MYT1L: variants seen among roughly 807,000 people sequenced by gnomAD.
MYT1L encodes the protein myelin transcription factor 1-like protein.
A neutral mutation model predicts 126.7 loss-of-function variants in MYT1L; 12 were observed. The observed-to-expected ratio is 0.09, with a 90% CI of 0.06 to 0.15. The LOEUF is 0.15. Ranked by LOEUF, MYT1L falls within the 10% of genes least tolerant of loss-of-function variation. The pLI is 1.00. For synonymous variants in MYT1L, 541 were observed against 604.2 expected, an observed-to-expected ratio of 0.90 and a Z score of 1.53; for missense variants, 979 against 1,585.2, an observed-to-expected ratio of 0.62 and a Z score of 6.49.
intron 3 of MYT1L, among the ~76,000 whole-genome samples, chr2:2,092,798 T>G (rs1558984649): frequency 6.6e-6 from 1 of 152,202 alleles, no homozygotes; most frequent in Non-Finnish European, 1.5e-5. Context: ...ACTTGGGGGC[T>G]GTTGTAAGCA....
Position 1,912,226 on chromosome 2 carries a change from A to ACTGTCTAT in MYT1L, c.1619-117_1619-116insATAGACAG. 3.2e-6 allele frequency: 2 copies of ACTGTCTAT among 622,344 alleles called. No individual in the cohort carries two copies. The highest frequency in any genetic ancestry group is 5.3e-6 in the Non-Finnish European group (2 of 378,150). 38.6% of individuals were successfully genotyped at this position (622,344 alleles called of 1,614,324 possible). ...TCGCTCATGATAGACAGTCCTACAAACGTTTGTGATGGGCATGGCCAGGAA... is the reference window on the plus strand; with the variant it reads ...TCGCTCATGATAGACAGTCCTACAAACTGTCTATCGTTTGTGATGGGCATGGCCAGGAA... On this transcript the variant is annotated intron_variant, in intron 11 of 24. Coordinates refer to ENST00000647738, the MANE Select transcript of MYT1L (RefSeq NM_001303052.2). This position sits in a 1 kb window ranked among gnomAD's most constrained non-coding sequence, Gnocchi z 4.3.
At chr2:2,100,807 C>G (rs1575159482) in intron 3 of MYT1L, among the ~76,000 whole-genome samples, 1 of 152,244 alleles carries the variant, frequency 6.6e-6, no homozygotes, top group East Asian at 1.9e-4. Flanking sequence ...AAACTCATGG[C>G]AGGGGTGCAT....
intron 3 of MYT1L, among the ~76,000 whole-genome samples, chr2:2,171,632 G>T (rs1043119686): frequency 2.0e-5 from 3 of 152,070 alleles, no homozygotes; most frequent in African/African-American, 7.2e-5. Context: ...CGTCGTTGTT[G>T]TTGTTGTTGT....
chr2:2,256,710 C>T (rs544619443), intron 2 of MYT1L, among the ~76,000 whole-genome samples: 3 of 152,128 alleles, frequency 2.0e-5, no homozygotes, highest in Non-Finnish European at 4.4e-5. Flanking sequence ...TTTTTAAAAG[C>T]GAGAGCACTA....
intron 1 of MYT1L, among the ~76,000 whole-genome samples, chr2:2,301,252 C>T (rs1245711881): frequency 2.0e-5 from 3 of 152,170 alleles, no homozygotes; most frequent in Non-Finnish European, 4.4e-5. Context: ...CTGCCTCTGT[C>T]TCTGTCTTTT....
At position 2,054,036 on chromosome 2, in the gene MYT1L, T is replaced by C. The variant is rs1215996036; in HGVS notation, c.-216A>G. On this transcript the variant is annotated 5_prime_UTR_variant, in exon 4 of 25. Transcript: ENST00000647738. ...TGAGACCAACTGGAACCTTTCTTGA[T>C]GGAATTTTGTTGATAGCTTGAAAGA... 6.5e-6 allele frequency: 1 copy of C among 152,700 alleles called. No individual in the cohort carries two copies. The highest frequency in any genetic ancestry group is 1.5e-5 in the Non-Finnish European group (1 of 68,052). 9.5% of individuals were successfully genotyped at this position (152,700 alleles called of 1,614,324 possible).
intron 2 of MYT1L, among the ~76,000 whole-genome samples, chr2:2,197,244 C>T (rs1259997240): frequency 6.6e-6 from 1 of 152,034 alleles, no homozygotes; most frequent in African/African-American, 2.4e-5. Flanking sequence ...TACCACAGTC[C>T]TTTCAGTCAT....
At chr2:2,246,334 T>G (rs1459875885) in intron 2 of MYT1L, among the ~76,000 whole-genome samples, 2 of 152,224 alleles carry the variant, frequency 1.3e-5, no homozygotes, top group African/African-American at 4.8e-5. Context: ...GTTCCTCATC[T>G]TGCATATTTA....
chr2:2,160,023 T>C (rs2087576851), intron 3 of MYT1L, among the ~76,000 whole-genome samples: 1 of 152,076 alleles, frequency 6.6e-6, no homozygotes, highest in Admixed American at 6.6e-5. Flanking sequence ...GCAACCCATG[T>C]CTCTCTGTGT....
At chr2:2,155,045 T>C (rs1290546511) in intron 3 of MYT1L, among the ~76,000 whole-genome samples, 1 of 152,182 alleles carries the variant, frequency 6.6e-6, no homozygotes, top group Non-Finnish European at 1.5e-5. Context: ...GAGAATCTCT[T>C]GAACCTGGGA....
intron 13 of MYT1L, among the ~76,000 whole-genome samples, chr2:1,904,570 CA>C (rs1300388654): frequency 6.6e-6 from 1 of 151,836 alleles, no homozygotes; most frequent in Non-Finnish European, 1.5e-5. Context: ...AGGGTTTCAC[CA>C]TGTTGGCCAG....
At chr2:1,849,236 C>T (rs534283908) in intron 19 of MYT1L, among the ~76,000 whole-genome samples, 204 of 152,036 alleles carry the variant, frequency 1.3e-3, no homozygotes, top group African/African-American at 4.4e-3. Flanking sequence ...GCTGACATTA[C>T]GCCATGCCGG....
intron 1 of MYT1L, among the ~76,000 whole-genome samples, chr2:2,295,602 AG>A (rs2095666084): frequency 1.6e-4 from 1 of 6,450 alleles, no homozygotes; most frequent in Non-Finnish European, 3.5e-4. Context: ...ACAGAGAGAG[AG>A]ACAGACAGAG....
chr2:1,850,437 C>T (rs550398813), intron 19 of MYT1L, among the ~76,000 whole-genome samples: 20 of 152,196 alleles, frequency 1.3e-4, no homozygotes, highest in African/African-American at 4.1e-4. Context: ...CACTTTAAAT[C>T]GGTCTTATTT....
At chr2:2,246,633 T>C (rs552386939) in intron 2 of MYT1L, among the ~76,000 whole-genome samples, 11 of 152,332 alleles carry the variant, frequency 7.2e-5, no homozygotes, top group African/African-American at 2.6e-4. Flanking sequence ...GTGATTGTGC[T>C]GTTATTTTTA....
chr2:2,271,543 A>C (rs1006184069), intron 2 of MYT1L, among the ~76,000 whole-genome samples: 1 of 152,242 alleles, frequency 6.6e-6, no homozygotes, highest in Admixed American at 6.5e-5. Flanking sequence ...TCTCTGAGCC[A>C]AGGCGCTGAG....
At chr2:1,809,492 G>T (rs995071233) in intron 21 of MYT1L, among the ~76,000 whole-genome samples, 3 of 152,126 alleles carry the variant, frequency 2.0e-5, no homozygotes, top group Non-Finnish European at 4.4e-5. Context: ...GAGCTTTTTG[G>T]AACTTTTGTA....
chr2:2,203,299 G>C (rs1034777855), intron 2 of MYT1L, among the ~76,000 whole-genome samples: 2 of 149,686 alleles, frequency 1.3e-5, no homozygotes, highest in Non-Finnish European at 3.0e-5. Context: ...AAGAAATAAA[G>C]GGTATTCAAT....
chr2:1,863,741 A>AG (rs11384404), intron 18 of MYT1L, among the ~76,000 whole-genome samples: 32,354 of 142,574 alleles, frequency 0.23, 3,756 homozygotes, highest in East Asian at 0.36. Context: ...GAAACAAAAA[A>AG]GGGGGGGGCA....
Sources: gnomAD v4.1 joint callset for allele counts (sites outside exome capture counted in the v4.1 genomes callset) on GRCh38, gnomAD v4.1.1 for gene constraint, Gnocchi (gnomAD v3.1) non-coding constraint, MANE v1.5 for transcripts, NCBI Gene and HGNC (gene_info 2026-07-23, HGNC 2026-07-21) for gene names.